The following ACBD6 variants were observed in gnomAD, a reference collection of about 807,000 sequenced individuals.
ACBD6 encodes the protein acyl-CoA-binding domain-containing protein 6.
Under a neutral mutation model 37.2 loss-of-function variants are expected in ACBD6, and 28 were observed. That is an observed-to-expected ratio of 0.75 (90% CI 0.56 to 1.03). The LOEUF (loss-of-function observed/expected upper bound fraction) is 1.03, where lower values mean the gene tolerates loss of function less well. Ranked by LOEUF, ACBD6 falls within the 50% of genes least tolerant of loss-of-function variation. The pLI, the probability that ACBD6 is intolerant of heterozygous loss-of-function variation, is 0.00. For missense variants in ACBD6, 340 were observed against 337.4 expected (o/e 1.01, Z -0.06); for synonymous variants, 113 against 126.8 (o/e 0.89, Z 0.73).
chr1:180,351,424 T>A (rs1455191886), intron 6 of ACBD6, among the ~76,000 whole-genome samples: 1 of 151,932 alleles, frequency 6.6e-6, no homozygotes, highest in Admixed American at 6.6e-5. Context: ...TACAGGTGCG[T>A]GCCACCATGC....
chr1:180,459,964 CTTCTT>C (rs1650068510), intron 3 of ACBD6, among the ~76,000 whole-genome samples: 2 of 118,314 alleles, frequency 1.7e-5, no homozygotes, highest in South Asian at 3.0e-4. Flanking sequence ...GACCAGACTG[CTTCTT>C]TTTTTTTTTT....
At chr1:180,461,040 G>A (rs1003491037) in intron 3 of ACBD6, among the ~76,000 whole-genome samples, 7 of 152,098 alleles carry the variant, frequency 4.6e-5, no homozygotes, top group Non-Finnish European at 1.0e-4. Flanking sequence ...AAATATCCAA[G>A]ATAGGGAAGA....
rs377479018 is a variant in ACBD6 at position 180,467,103 on chromosome 1, A to G, written c.384+25166T>C. Among the ~76,000 whole-genome samples, 17 of 152,114 alleles carry G rather than the reference A, an allele frequency of 1.1e-4. No individual in the cohort carries two copies. In the East Asian group the frequency reaches 1.7e-3, roughly 16 times the overall value. ...TTCAGTGCTTATATCTTTAAGTAGC[A>G]AATTCTTTTATATCTTTTATTTTTT... On this transcript the variant is annotated intron_variant, in intron 3 of 7. Transcript: ENST00000367595.
At chr1:180,319,532 T>G (rs2149293794) in intron 6 of ACBD6, among the ~76,000 whole-genome samples, 1 of 152,326 alleles carries the variant, frequency 6.6e-6, no homozygotes, top group South Asian at 2.1e-4. Context: ...GTACTCATTT[T>G]AAAATGTACA....
chr1:180,304,787 A>G (rs1324162471), intron 7 of ACBD6, among the ~76,000 whole-genome samples: 3 of 147,418 alleles, frequency 2.0e-5, no homozygotes, highest in East Asian at 2.0e-4. Context: ...AAGAGCCCAC[A>G]TTGCCAAGTC....
chr1:180,475,950 T>C (rs61811617), intron 3 of ACBD6, among the ~76,000 whole-genome samples: 3,158 of 152,292 alleles, frequency 0.021, 53 homozygotes, highest in Non-Finnish European at 0.026. Context: ...AGAGTTTCAC[T>C]AAATTTGTTA....
rs12034514 is a variant in ACBD6 at position 180,396,075 on chromosome 1, T to C, written c.663+1441A>G. On this transcript the variant is annotated intron_variant, in intron 6 of 7. Transcript: ENST00000367595. ...GACAAATATTGTATGATTCCACTTA[T>C]ATGAGGTACCTAGAGTAGTCAAATT... Among the ~76,000 whole-genome samples, 915 of 152,204 alleles carry C rather than the reference T, an allele frequency of 6.0e-3. 35 individuals are homozygous for C. The East Asian group carries it at 0.1, about 17-fold the overall frequency.
intron 6 of ACBD6, among the ~76,000 whole-genome samples, chr1:180,344,045 C>T (rs1652082651): frequency 6.6e-6 from 1 of 152,010 alleles, no homozygotes; most frequent in East Asian, 1.9e-4. Context: ...CCAGTTGGCT[C>T]TGTATAGAAG....
intron 6 of ACBD6, among the ~76,000 whole-genome samples, chr1:180,390,121 T>C (rs1654012838): frequency 6.6e-6 from 1 of 152,094 alleles, no homozygotes; most frequent in Non-Finnish European, 1.5e-5. Context: ...TCTTCTAGGG[T>C]TTTTATGGTT....
intron 3 of ACBD6, among the ~76,000 whole-genome samples, chr1:180,439,464 G>A (rs1014950987): frequency 6.6e-5 from 10 of 152,064 alleles, no homozygotes; most frequent in South Asian, 2.1e-4. Flanking sequence ...GGTGGTGGGC[G>A]CCTGTAGTCC....
At chr1:180,436,352 C>G (rs1649035545) in intron 3 of ACBD6, among the ~76,000 whole-genome samples, 1 of 152,170 alleles carries the variant, frequency 6.6e-6, no homozygotes, top group African/African-American at 2.4e-5. Flanking sequence ...TGTGTACAAA[C>G]TCACCTGAAT....
chr1:180,426,420 G>C (rs1030012362), intron 4 of ACBD6, among the ~76,000 whole-genome samples: 15 of 152,150 alleles, frequency 9.9e-5, no homozygotes, highest in Non-Finnish European at 2.9e-5. Context: ...ATGTAGTGCA[G>C]AATCATCTTA....
intron 5 of ACBD6, among the ~76,000 whole-genome samples, chr1:180,403,607 TCAAA>T (rs1249895271): frequency 1.3e-5 from 2 of 152,036 alleles, no homozygotes; most frequent in Non-Finnish European, 1.5e-5. Context: ...GGAAAAAAAA[TCAAA>T]CAAAAATTTG....
Position 180,502,387 on chromosome 1 carries a change from G to T in ACBD6, c.-121C>A. 8.9e-7 allele frequency: 1 copy of T among 1,119,834 alleles called. No individual in the cohort carries two copies. Among genetic ancestry groups the T allele is most frequent in the Non-Finnish European group, 1.3e-6 (1 of 757,620 alleles). The allele number at this position is 1,119,834 out of a possible 1,614,324, so 69.4% of individuals were successfully genotyped here. ...GAGCCTGAGCTCCAGTCGGACCCAAGCTCAGTCGCGGCGCGCTCCCTCACG... is the reference window on the plus strand; with the variant it reads ...GAGCCTGAGCTCCAGTCGGACCCAATCTCAGTCGCGGCGCGCTCCCTCACG... On this transcript the variant is annotated 5_prime_UTR_variant, in exon 1 of 8. Coordinates refer to ENST00000367595, the MANE Select transcript of ACBD6 (RefSeq NM_032360.4).
At chr1:180,327,753 A>T (rs1651311071) in intron 6 of ACBD6, among the ~76,000 whole-genome samples, 1 of 152,226 alleles carries the variant, frequency 6.6e-6, no homozygotes, top group Non-Finnish European at 1.5e-5. Flanking sequence ...TAATACAATG[A>T]AGGTCTAAAC....
At chr1:180,411,726 C>T (rs1647866555) in intron 5 of ACBD6, among the ~76,000 whole-genome samples, 1 of 152,130 alleles carries the variant, frequency 6.6e-6, no homozygotes, top group Non-Finnish European at 1.5e-5. Context: ...AGTGCCATGG[C>T]GCGATCTAGG....
chr1:180,333,473 C>T lies in ACBD6; in HGVS notation c.664-18751G>A, dbSNP rs527581048. ...CCTGACCTCATAGACCTGCTGCACT[C>T]AAAAAATTTCACTGAGTGAATAAAT... is the stretch of plus-strand genomic sequence containing the variant. On this transcript the variant is annotated intron_variant, in intron 6 of 7. Coordinates refer to ENST00000367595, the MANE Select transcript of ACBD6 (RefSeq NM_032360.4). Among the ~76,000 whole-genome samples, 3 of 150,146 alleles carry T rather than the reference C, an allele frequency of 2.0e-5. No individual in the cohort carries two copies. The South Asian group carries it at 6.3e-4, about 31-fold the overall frequency.
chr1:180,448,418 A>T (rs1030527646), intron 3 of ACBD6, among the ~76,000 whole-genome samples: 1 of 151,724 alleles, frequency 6.6e-6, no homozygotes, highest in East Asian at 1.9e-4. Flanking sequence ...TTAGATCTCT[A>T]TCTCCCTTTT....
At chr1:180,376,304 T>C (rs1231547834) in intron 6 of ACBD6, among the ~76,000 whole-genome samples, 1 of 152,230 alleles carries the variant, frequency 6.6e-6, no homozygotes, top group East Asian at 1.9e-4. Context: ...CACCTACCTT[T>C]TCACCCAGTA....
Sources: allele counts gnomAD v4.1 joint callset (sites outside exome capture counted in the v4.1 genomes callset), GRCh38; gene constraint gnomAD v4.1.1; transcripts MANE v1.5; gene names NCBI Gene and HGNC (gene_info 2026-07-23, HGNC 2026-07-21).